The following NCR1 variants were observed in gnomAD, a reference collection of about 807,000 sequenced individuals.
NCR1 encodes NK cell-activating receptor.
Under a neutral mutation model 32.5 loss-of-function variants are expected in NCR1, and 30 were observed. The ratio of observed to expected loss-of-function variants is 0.92; its 90% CI spans 0.69 to 1.25. The LOEUF (loss-of-function observed/expected upper bound fraction) is 1.25. Ranked by LOEUF, NCR1 falls within the 50% of genes most tolerant of loss-of-function variation. The probability of loss-of-function intolerance (pLI) is 0.00; values close to 1 mark genes in which losing one functional copy is unlikely to be tolerated. For synonymous variants in NCR1, 169 were observed against 143.4 expected (o/e 1.18, Z -1.28); for missense variants, 369 against 380.7 (o/e 0.97, Z 0.26).
rs970258204 is a variant in NCR1 at position 54,911,932 on chromosome 19, T to A, written c.683-236T>A. On this transcript the variant is annotated intron_variant, in intron 5 of 6. Coordinates refer to ENST00000291890, the MANE Select transcript of NCR1 (RefSeq NM_004829.7). ...GACTCTATCTCAAAAAAAAAAAAAA[T>A]AGAAGACATGACTGGTGCAAAGACA... Among the ~76,000 whole-genome samples, 480 of 146,338 alleles carry A rather than the reference T, an allele frequency of 3.3e-3. 3 individuals are homozygous for A. The highest frequency in any genetic ancestry group is 0.011 in the African/African-American group (449 of 39,552).
Position 54,906,719 on chromosome 19 carries a change from C to G in NCR1, c.267C>G (p.Asn89Lys). ...TCCAATTCTACATCCCGGACATGAA[C>G]TCCCGCATGGCAGGGCAATACAGCT... is the stretch of plus-strand genomic sequence containing the variant. The part of the protein sequence containing the change: ...NKVQFYIPDM[N>K]SRMAGQYSCI... The change falls in exon 3 of 7, where the codon AAC becomes AAG. Residue 89 changes from asparagine to lysine, a missense_variant. Asn to Lys is a moderately conservative substitution (Grantham distance 94, BLOSUM62 0). Coordinates refer to ENST00000291890, the MANE Select transcript of NCR1 (RefSeq NM_004829.7). 6.2e-7 allele frequency: 1 copy of G among 1,614,236 alleles called. No homozygotes were observed. The highest frequency in any genetic ancestry group is 2.2e-5 in the East Asian group (1 of 44,886).
chr19:54,913,609 G>A (rs1170349856), downstream of NCR1, among the ~76,000 whole-genome samples: 2 of 152,226 alleles, frequency 1.3e-5, no homozygotes, highest in African/African-American at 2.4e-5. Context: ...AGGCATTGTG[G>A]CAACAACCAG....
the NCR1 span, chr19:54,933,787 A>T: frequency 6.6e-7 from 1 of 1,511,342 alleles, no homozygotes; most frequent in Admixed American, 1.7e-5. Flanking sequence ...CATTTCCACA[A>T]CTCCAACCTG....
the NCR1 span, among the ~76,000 whole-genome samples, chr19:54,900,050 G>C: frequency 6.6e-6 from 1 of 152,168 alleles, no homozygotes; most frequent in Non-Finnish European, 1.5e-5. Context: ...ATTTAAAATT[G>C]GTGAGATGTT....
chr19:54,918,658 T>C (rs1403316291), downstream of NCR1, among the ~76,000 whole-genome samples: 1 of 151,954 alleles, frequency 6.6e-6, no homozygotes, highest in Non-Finnish European at 1.5e-5. Flanking sequence ...TGCCTTTGTG[T>C]ACCAACAGCT....
chr19:54,934,663 T>C, the NCR1 span: 2 of 1,611,362 alleles, frequency 1.2e-6, no homozygotes, highest in Admixed American at 3.4e-5. The surrounding 1 kb of genome is among the most constrained non-coding windows in gnomAD (Gnocchi z 6.7). Context: ...TCCCAACCTG[T>C]GAAAAGAGTG....
chr19:54,937,304 T>C, the NCR1 span, among the ~76,000 whole-genome samples: 4 of 151,650 alleles, frequency 2.6e-5, no homozygotes, highest in African/African-American at 9.7e-5. Flanking sequence ...AAATAATCTG[T>C]ACAACAAACT....
the NCR1 span, among the ~76,000 whole-genome samples, chr19:54,921,383 G>A: frequency 1.3e-5 from 2 of 152,186 alleles, no homozygotes; most frequent in African/African-American, 2.4e-5. Flanking sequence ...AAGGGCTCAC[G>A]AAAGACAGCA....
chr19:54,931,860 A>AGT, the NCR1 span, among the ~76,000 whole-genome samples: 1 of 150,046 alleles, frequency 6.7e-6, no homozygotes, highest in African/African-American at 2.5e-5. Flanking sequence ...AAAAAAAAAA[A>AGT]CATCCAAATG....
rs1404982735 is a variant in NCR1 at position 54,906,556 on chromosome 19, C to A, written c.104C>A (p.Pro35His). 6.2e-7 allele frequency: 1 copy of A among 1,611,778 alleles called. No individual in the cohort carries two copies. The highest frequency in any genetic ancestry group is 8.5e-7 in the Non-Finnish European group (1 of 1,180,030). Residue 35 changes from proline (P) to histidine (H), a missense_variant, in exon 3 of 7, where the codon CCC becomes CAC. Transcript: ENST00000291890. ...CCAAAACCGTTCATCTGGGCCGAGC[C>A]CCATTTCATGGTTCCAAAGGAAAAG... ...TLPKPFIWAE[P>H]HFMVPKEKQV...
the NCR1 span, chr19:54,936,416 G>T: frequency 6.2e-7 from 1 of 1,614,042 alleles, no homozygotes; most frequent in Non-Finnish European, 8.5e-7. Context: ...CGGTGTCAGG[G>T]GTGACGTTTT....
At chr19:54,919,663 A>G (rs867780024), downstream of NCR1, among the ~76,000 whole-genome samples, 1,694 of 150,676 alleles carry the variant, frequency 0.011, 19 homozygotes, top group African/African-American at 0.038. Flanking sequence ...CAGGCCCTCC[A>G]CAAGAGGTGG....
At position 54,909,405 on chromosome 19, in the gene NCR1, G is replaced by C. The variant is rs1381808599; in HGVS notation, c.516G>C (p.Gln172His). ...TACAGCGCGGATACGGGAAGGTCCA[G>C]GCGGAGTTCCCCCTGGGCCCTGTGA... ...SHVQRGYGKV[Q>H]AEFPLGPVTT... The change falls in exon 4 of 7, where the codon CAG becomes CAC. Residue 172 changes from glutamine (Q) to histidine (H), a missense_variant. By Grantham distance (24) the Gln-to-His change is conservative. Transcript: ENST00000291890. 6.2e-7 allele frequency: 1 copy of C among 1,614,004 alleles called. No individual in the cohort carries two copies. The highest frequency in any genetic ancestry group is 8.5e-7 in the Non-Finnish European group (1 of 1,180,032).
the NCR1 span, chr19:54,930,554 A>G: frequency 1.9e-6 from 3 of 1,612,828 alleles, no homozygotes; most frequent in Middle Eastern, 1.7e-4. Context: ...AGAATCCACA[A>G]TCCACGAGCT....
chr19:54,936,125 C>T, the NCR1 span: 3 of 770,770 alleles, frequency 3.9e-6, no homozygotes, highest in African/African-American at 3.4e-5. Context: ...GGCCGACTCC[C>T]CCACACAGGC....
chr19:54,936,488 G>T, the NCR1 span: 1 of 1,411,182 alleles, frequency 7.1e-7, no homozygotes, highest in Non-Finnish European at 1.0e-6. Flanking sequence ...ATTGTGTGGA[G>T]GCATGTATAA....
chr19:54,909,952 A>AAG (rs1314341879), intron 4 of NCR1, 66 bp from the exon 5 acceptor site: 13 of 1,399,778 alleles, frequency 9.3e-6, no homozygotes, highest in Non-Finnish European at 1.3e-5. Context: ...AAAAAAAAAA[A>AAG]AAAAGAATGG....
At chr19:54,903,236 G>T (rs2067332538), upstream of NCR1, among the ~76,000 whole-genome samples, 1 of 151,226 alleles carries the variant, frequency 6.6e-6, no homozygotes, top group Non-Finnish European at 1.5e-5. Flanking sequence ...AGGCCCCAGT[G>T]GATGCTGAAA....
At chr19:54,922,166 T>C in the NCR1 span, among the ~76,000 whole-genome samples, 2 of 152,058 alleles carry the variant, frequency 1.3e-5, no homozygotes, top group Non-Finnish European at 2.9e-5. Flanking sequence ...GTGCTGGGAT[T>C]ACAGGTGTGA....
Sources: gnomAD v4.1 joint callset for allele counts (sites outside exome capture counted in the v4.1 genomes callset) on GRCh38, gnomAD v4.1.1 for gene constraint, Gnocchi (gnomAD v3.1) non-coding constraint, MANE v1.5 for transcripts, NCBI Gene and HGNC (gene_info 2026-07-23, HGNC 2026-07-21) for gene names.